NHLRC2: variants seen among roughly 807,000 people sequenced by gnomAD.
The protein encoded by NHLRC2 is NHL repeat-containing protein 2.
NHLRC2 carries 33 observed loss-of-function variants against 68.1 expected under a neutral mutation model. That is an observed-to-expected ratio of 0.48 (90% CI 0.37 to 0.65). The LOEUF is 0.65. Ranked by LOEUF, NHLRC2 falls within the 30% of genes least tolerant of loss-of-function variation. The pLI, the probability that NHLRC2 is intolerant of heterozygous loss-of-function variation, is 0.00. For missense variants in NHLRC2, 761 were observed against 853.8 expected (o/e 0.89, Z 1.35); for synonymous variants, 311 against 309.6 (o/e 1.00, Z -0.05).
At chr10:113,864,022 G>A (rs912182825) in intron 2 of NHLRC2, among the ~76,000 whole-genome samples, 1 of 152,194 alleles carries the variant, frequency 6.6e-6, no homozygotes, top group Non-Finnish European at 1.5e-5. Flanking sequence ...GGAAAATGTG[G>A]TGTGTGCATA....
chr10:113,897,326 T>TA (rs772005701), intron 5 of NHLRC2, among the ~76,000 whole-genome samples: 3 of 152,228 alleles, frequency 2.0e-5, no homozygotes, highest in African/African-American at 4.8e-5. Flanking sequence ...GCATTATTAA[T>TA]ACTCACTGTA....
chr10:113,880,970 A>C (rs1297435676), intron 4 of NHLRC2, among the ~76,000 whole-genome samples: 2 of 151,716 alleles, frequency 1.3e-5, no homozygotes, highest in Non-Finnish European at 3.0e-5. Context: ...TAATGGGGGG[A>C]TATCTGTGCA....
chr10:113,856,508 A>C (rs1384734132), intron 1 of NHLRC2, among the ~76,000 whole-genome samples: 1 of 152,196 alleles, frequency 6.6e-6, no homozygotes, highest in African/African-American at 2.4e-5. Flanking sequence ...GATTGTTTAC[A>C]TCTATACAAA....
chr10:113,892,250 G>A (rs1846139696), intron 5 of NHLRC2, among the ~76,000 whole-genome samples: 1 of 151,972 alleles, frequency 6.6e-6, no homozygotes, highest in South Asian at 2.1e-4. Flanking sequence ...GATTTTATTT[G>A]TTTTCTAAAA....
chr10:113,901,450 A>G (rs985202745), intron 6 of NHLRC2, among the ~76,000 whole-genome samples: 5 of 152,118 alleles, frequency 3.3e-5, no homozygotes, highest in Non-Finnish European at 5.9e-5. Flanking sequence ...TATCAAAGTA[A>G]AGTAAGAAGT....
Position 113,858,827 on chromosome 10 carries a change from A to C in NHLRC2, c.331+147A>C, listed in dbSNP as rs1021373787. On this transcript the variant is annotated intron_variant, in intron 2 of 10. Transcript: ENST00000369301. Reference sequence around the variant, plus strand: ...CTCTTATCTATGAATTAAAGACTTCATGTACCTTTTCATAAAGGATTAAGC... The same window carrying C: ...CTCTTATCTATGAATTAAAGACTTCCTGTACCTTTTCATAAAGGATTAAGC... 12 of 534,980 alleles carry C rather than the reference A, an allele frequency of 2.2e-5. No homozygotes were observed. The African/African-American group carries it at 2.3e-4, about 10-fold the overall frequency. 33.1% of individuals were successfully genotyped at this position (534,980 alleles called of 1,614,324 possible).
chr10:113,865,143 G>A (rs1345360189), intron 2 of NHLRC2, among the ~76,000 whole-genome samples: 1 of 151,902 alleles, frequency 6.6e-6, no homozygotes, highest in Non-Finnish European at 1.5e-5. Context: ...TAGAGACAGG[G>A]TTTCACCGTG....
intron 2 of NHLRC2, among the ~76,000 whole-genome samples, chr10:113,860,593 A>G (rs775898389): frequency 6.6e-6 from 1 of 152,204 alleles, no homozygotes; most frequent in Non-Finnish European, 1.5e-5. Flanking sequence ...TCTCTAAAAA[A>G]TACCTGATAC....
intron 1 of NHLRC2, among the ~76,000 whole-genome samples, chr10:113,858,280 C>T (rs1845780546): frequency 6.6e-6 from 1 of 151,430 alleles, no homozygotes; most frequent in Non-Finnish European, 1.5e-5. Flanking sequence ...GTATGTTCTT[C>T]CAAACCCAAA....
At chr10:113,882,488 A>C (rs1419060791) in intron 4 of NHLRC2, among the ~76,000 whole-genome samples, 1 of 151,718 alleles carries the variant, frequency 6.6e-6, no homozygotes, top group Non-Finnish European at 1.5e-5. Flanking sequence ...CTTATGGGCC[A>C]TTTTTATATC....
At chr10:113,858,205 C>T (rs934430793) in intron 1 of NHLRC2, among the ~76,000 whole-genome samples, 8 of 151,884 alleles carry the variant, frequency 5.3e-5, no homozygotes, top group Non-Finnish European at 1.0e-4. Flanking sequence ...CCCACCCGTA[C>T]CCCCATCCCT....
At chr10:113,878,169 A>T (rs1846002365) in intron 3 of NHLRC2, among the ~76,000 whole-genome samples, 1 of 152,138 alleles carries the variant, frequency 6.6e-6, no homozygotes, top group Admixed American at 6.5e-5. Context: ...TTTATTGGTG[A>T]TGGTATCATA....
intron 6 of NHLRC2, 83 bp from the exon 7 acceptor site, chr10:113,901,583 A>G: frequency 3.5e-6 from 3 of 850,572 alleles, no homozygotes; most frequent in Non-Finnish European, 5.8e-6. Flanking sequence ...TTTTGATTTG[A>G]TTATTCACAT....
At chr10:113,884,445 C>G in intron 5 of NHLRC2, 65 bp downstream of exon 5, 1 of 1,344,058 alleles carries the variant, frequency 7.4e-7, no homozygotes, top group South Asian at 1.3e-5. Flanking sequence ...TAAAAATATT[C>G]TTGAGGTGGT....
chr10:113,872,252 G>GTTCTAATGTAC (rs1845933452), intron 2 of NHLRC2, among the ~76,000 whole-genome samples: 1 of 152,046 alleles, frequency 6.6e-6, no homozygotes, highest in African/African-American at 2.4e-5. Flanking sequence ...AAAAGGTAAG[G>GTTCTAATGTAC]TTCTAATGGA....
rs535949946 is a variant in NHLRC2, at chr10:113,868,824, A to C, written c.332-7697A>C. Among the ~76,000 whole-genome samples the C allele has an allele frequency of 2.2e-4, 33 of 152,364 alleles. No individual in the cohort carries two copies. The South Asian group carries it at 6.6e-3, about 31-fold the overall frequency. On this transcript the variant is annotated intron_variant, in intron 2 of 10. Coordinates refer to ENST00000369301, the MANE Select transcript of NHLRC2 (RefSeq NM_198514.4). Reference sequence around the variant, plus strand: ...GTAAAAATTGAACTTCTGTTCTAAAAGACAAGCGTGGCTTTAGTAGGTGAG... The same window carrying C: ...GTAAAAATTGAACTTCTGTTCTAAACGACAAGCGTGGCTTTAGTAGGTGAG...
intron 9 of NHLRC2, among the ~76,000 whole-genome samples, chr10:113,904,538 CT>C (rs1411273805): frequency 1.3e-5 from 2 of 151,906 alleles, no homozygotes; most frequent in Non-Finnish European, 2.9e-5. Flanking sequence ...AATTTATAAA[CT>C]TTTGCTTTAA....
Position 113,876,598 on chromosome 10 carries a change from C to T in NHLRC2, c.409C>T (p.Leu137Phe). 1 of 1,613,480 alleles carries T rather than the reference C, an allele frequency of 6.2e-7. No individual in the cohort carries two copies. Among genetic ancestry groups the T allele is most frequent in the South Asian group, 1.1e-5 (1 of 91,060 alleles). The change falls in exon 3 of 11, where the codon CTT becomes TTT. Residue 137 changes from leucine to phenylalanine, a missense_variant. Transcript: ENST00000369301. ...CCTGGATAACATTAAGAGTGCTGTT[C>T]TTCGATACAACATCACCCACCCTAT... ...KVLDNIKSAV[L>F]RYNITHPMVN...
intron 10 of NHLRC2, 60 bp downstream of exon 10, chr10:113,905,096 AT>A: frequency 1.1e-6 from 1 of 900,798 alleles, no homozygotes; most frequent in Non-Finnish European, 1.7e-6. Context: ...TAATCTAGTT[AT>A]TTTTTATTTG....
Sources: allele counts gnomAD v4.1 joint callset (sites outside exome capture counted in the v4.1 genomes callset), GRCh38; gene constraint gnomAD v4.1.1; transcripts MANE v1.5; gene names NCBI Gene and HGNC (gene_info 2026-07-23, HGNC 2026-07-21).